TMEM181: variants seen among roughly 807,000 people sequenced by gnomAD.
TMEM181 encodes G protein-coupled receptor 178.
In TMEM181, 39 loss-of-function variants were observed where a neutral mutation model predicts 71.9. That is an observed-to-expected ratio of 0.54 (90% CI 0.42 to 0.71). The LOEUF is 0.71. Ranked by LOEUF, TMEM181 falls within the 30% of genes least tolerant of loss-of-function variation. The pLI, the probability that TMEM181 is intolerant of heterozygous loss-of-function variation, is 0.00. For missense variants in TMEM181, 595 were observed against 583.0 expected (o/e 1.02, Z -0.21); for synonymous variants, 245 against 228.8 (o/e 1.07, Z -0.64).
upstream of TMEM181, among the ~76,000 whole-genome samples, chr6:158,558,340 G>T (rs551167912): frequency 6.6e-6 from 1 of 152,114 alleles, no homozygotes; most frequent in Non-Finnish European, 1.5e-5. Flanking sequence ...ATATTTTTTC[G>T]AATTAGTTTC....
At chr6:158,574,797 A>G (rs1783071391) in intron 2 of TMEM181, among the ~76,000 whole-genome samples, 1 of 152,130 alleles carries the variant, frequency 6.6e-6, no homozygotes, top group South Asian at 2.1e-4. Context: ...TCTGTCTATT[A>G]TAAGGAATTG....
chr6:158,629,079 G>A (rs1786515289), intron 14 of TMEM181, among the ~76,000 whole-genome samples: 1 of 152,224 alleles, frequency 6.6e-6, no homozygotes, highest in Admixed American at 6.5e-5. Context: ...GCGCAGGGCT[G>A]TTGCCTCCCG....
chr6:158,607,240 G>T lies in TMEM181; in HGVS notation c.574-4G>T, dbSNP rs774061184. On this transcript the variant is annotated splice_region_variant and splice_polypyrimidine_tract_variant and intron_variant, in intron 7 of 16. Transcript: ENST00000684151. ...AGTAACTGGAGGCCTGATTTGGTTTGCAGTGCCTGTTTGCGCATTCCCTCC... is the reference window on the plus strand; with the variant it reads ...AGTAACTGGAGGCCTGATTTGGTTTTCAGTGCCTGTTTGCGCATTCCCTCC... 1.4e-5 allele frequency: 23 copies of T among 1,613,850 alleles called. No individual in the cohort carries two copies. Among genetic ancestry groups the T allele is most frequent in the Non-Finnish European group, 6.8e-6 (8 of 1,179,844 alleles).
chr6:158,603,911 C>T (rs561396823), intron 6 of TMEM181, among the ~76,000 whole-genome samples: 1 of 152,210 alleles, frequency 6.6e-6, no homozygotes, highest in Admixed American at 6.5e-5. Flanking sequence ...TGTTCTGGGA[C>T]GTTGTTAATT....
chr6:158,604,900 C>T (rs1243934390), intron 6 of TMEM181, among the ~76,000 whole-genome samples: 1 of 151,710 alleles, frequency 6.6e-6, no homozygotes, highest in Non-Finnish European at 1.5e-5. Context: ...ATGTCTGTGT[C>T]CTTTGATAAA....
At chr6:158,575,968 CT>C (rs1031321895) in intron 2 of TMEM181, among the ~76,000 whole-genome samples, 191 of 152,264 alleles carry the variant, frequency 1.3e-3, no homozygotes, top group African/African-American at 4.5e-3. Context: ...ACGGTGTTTC[CT>C]TTGACTACTT....
Position 158,581,014 on chromosome 6 carries a change from G to T in TMEM181, c.168+19G>T. The T allele has an allele frequency of 1.2e-6, 2 of 1,602,958 alleles. No individual in the cohort carries two copies. Among genetic ancestry groups the T allele is most frequent in the South Asian group, 2.2e-5 (2 of 90,240 alleles). ...CAAAAAGGTAAGACTGGGTCTGAGT[G>T]GCAGCTGGGTGGTGGGGTGCATTAT... is the stretch of plus-strand genomic sequence containing the variant. On this transcript the variant is annotated intron_variant, in intron 3 of 16. Transcript: ENST00000684151.
At chr6:158,615,696 T>C (rs1467844304) in intron 10 of TMEM181, among the ~76,000 whole-genome samples, 3 of 152,280 alleles carry the variant, frequency 2.0e-5, no homozygotes, top group Non-Finnish European at 4.4e-5. Flanking sequence ...TTCAGCTTTC[T>C]ACATATGGCT....
intron 1 of TMEM181, among the ~76,000 whole-genome samples, chr6:158,570,392 C>CCA (rs1782736880): frequency 6.6e-6 from 1 of 151,902 alleles, no homozygotes; most frequent in Non-Finnish European, 1.5e-5. Flanking sequence ...GCCACAAAGC[C>CCA]TGGCTAATTT....
intron 4 of TMEM181, 90 bp from the exon 5 acceptor site, chr6:158,585,214 G>A (rs1783698288): frequency 1.4e-6 from 2 of 1,413,842 alleles, no homozygotes; most frequent in South Asian, 1.5e-5. Context: ...CGTTTTCCTG[G>A]CTCCAAGGTC....
At chr6:158,603,419 C>G (rs567834352) in intron 6 of TMEM181, among the ~76,000 whole-genome samples, 1 of 152,240 alleles carries the variant, frequency 6.6e-6, no homozygotes, top group East Asian at 1.9e-4. Context: ...CCCTGGCCGA[C>G]CTGAAGAGCT....
chr6:158,596,851 G>T (rs1784412122), intron 6 of TMEM181, among the ~76,000 whole-genome samples: 1 of 152,176 alleles, frequency 6.6e-6, no homozygotes, highest in Admixed American at 6.5e-5. Context: ...CAAGAGAATA[G>T]CACGGGAAAG....
intron 1 of TMEM181, among the ~76,000 whole-genome samples, chr6:158,562,156 C>T (rs1169958676): frequency 2.0e-5 from 3 of 152,152 alleles, no homozygotes; most frequent in South Asian, 2.1e-4. Context: ...GACTCTCATT[C>T]GGCCCAGCCT....
Position 158,628,412 on chromosome 6 carries a change from G to A in TMEM181, c.1114G>A (p.Ala372Thr), listed in dbSNP as rs372660843. The change falls in exon 14 of 17, where the codon GCC becomes ACC. Residue 372 changes from alanine (A) to threonine (T), a missense_variant. Ala to Thr is a moderately conservative substitution (Grantham distance 58, BLOSUM62 0). Coordinates refer to ENST00000684151, the MANE Select transcript of TMEM181 (RefSeq NM_001376852.1). Reference sequence around the variant, plus strand: ...CTGCTCCTCTGTCTTGTTCAGCATCGCCATCCTTTATTTGAGATTTGGGGC... The same window carrying A: ...CTGCTCCTCTGTCTTGTTCAGCATCACCATCCTTTATTTGAGATTTGGGGC... ...LTFVVLVISIAILYLRFGAQV... is the reference protein window; with the variant it reads ...LTFVVLVISITILYLRFGAQV... The A allele has an allele frequency of 8.4e-5, 135 of 1,613,962 alleles. No homozygotes were observed. Among genetic ancestry groups the A allele is most frequent in the African/African-American group, 2.0e-4 (15 of 74,906 alleles).
intron 3 of TMEM181, 65 bp downstream of exon 3, chr6:158,581,060 A>G (rs1384812259): frequency 1.4e-5 from 21 of 1,485,608 alleles, no homozygotes; most frequent in Admixed American, 1.7e-5. Context: ...TCACTGAGAA[A>G]TGGTTCCGCT....
intron 10 of TMEM181, chr6:158,610,109 G>A (rs772204757): frequency 4.5e-6 from 1 of 220,998 alleles, no homozygotes; most frequent in Non-Finnish European, 9.6e-6. Flanking sequence ...GATCACCAAA[G>A]CTTCTCTAGA....
chr6:158,536,668 G>A (rs1781113169), exon 1 of TMEM181: 2 of 1,513,062 alleles, frequency 1.3e-6, no homozygotes, highest in African/African-American at 1.4e-5. Flanking sequence ...GCTGGGAGAA[G>A]AGAGGGGGCG....
At chr6:158,612,480 T>C (rs748953355) in intron 10 of TMEM181, among the ~76,000 whole-genome samples, 4 of 152,226 alleles carry the variant, frequency 2.6e-5, no homozygotes, top group African/African-American at 4.8e-5. Context: ...TAAGAATCTT[T>C]GAAAAAGGTT....
chr6:158,607,140 C>T, intron 7 of TMEM181, 104 bp from the exon 8 acceptor site: 1 of 891,954 alleles, frequency 1.1e-6, no homozygotes, highest in East Asian at 2.5e-5. Context: ...GGCACCTAGA[C>T]CATTGATTAG....
Sources: allele counts gnomAD v4.1 joint callset (sites outside exome capture counted in the v4.1 genomes callset), GRCh38; gene constraint gnomAD v4.1.1; transcripts MANE v1.5; gene names NCBI Gene and HGNC (gene_info 2026-07-23, HGNC 2026-07-21).